ATAD3B: variants seen among roughly 807,000 people sequenced by gnomAD.
ATAD3B encodes ATPase family AAA domain containing 3B.
Under a neutral mutation model 70.2 loss-of-function variants are expected in ATAD3B, and 59 were observed. That is an observed-to-expected ratio of 0.84 (90% CI 0.68 to 1.04). ATAD3B has a LOEUF of 1.04. Among genes scored for constraint, ATAD3B ranks in the 50% least tolerant of loss-of-function variants. The pLI, the probability that ATAD3B is intolerant of heterozygous loss-of-function variation, is 0.00. For missense variants in ATAD3B, 961 were observed against 913.4 expected, an observed-to-expected ratio of 1.05 and a Z score of -0.67; for synonymous variants, 423 against 388.6, an observed-to-expected ratio of 1.09 and a Z score of -1.04.
chr1:1,484,808 A>G (rs1640112467), intron 7 of ATAD3B: 1 of 1,342,320 alleles, frequency 7.4e-7, no homozygotes, highest in Admixed American at 2.9e-5. Flanking sequence ...AATGGCCCTG[A>G]GTGAGGGCGT....
chr1:1,503,593 A>G, the ATAD3B span: 37,989 of 1,611,816 alleles, frequency 0.024, 704 homozygotes, highest in Admixed American at 0.07. Context: ...GGCCACATCA[A>G]AGGACGCCCT....
rs750541572 is a variant in ATAD3B at position 1,489,269 on chromosome 1, C to G, written c.1332C>G (p.Ser444Arg). The change falls in exon 13 of 16, where the codon AGC (serine) becomes AGG (arginine). Residue 444 changes from serine to arginine, a missense_variant. Coordinates refer to ENST00000673477, the MANE Select transcript of ATAD3B (RefSeq NM_031921.6). Reference protein sequence around the residue: ...NAFLYHMGQHSNKFMLVLASN... With the variant: ...NAFLYHMGQHRNKFMLVLASN... Reference sequence around the variant, plus strand: ...TCCTGTACCACATGGGCCAACACAGCAACAAGTGAGGGAGCCCCTCGGGTC... The same window carrying G: ...TCCTGTACCACATGGGCCAACACAGGAACAAGTGAGGGAGCCCCTCGGGTC... 6.2e-7 allele frequency: 1 copy of G among 1,613,458 alleles called. No individual in the cohort carries two copies. Among genetic ancestry groups the G allele is most frequent in the African/African-American group, 1.3e-5 (1 of 74,934 alleles).
chr1:1,488,713 C>T (rs554819002), intron 12 of ATAD3B, among the ~76,000 whole-genome samples: 3 of 151,890 alleles, frequency 2.0e-5, no homozygotes, highest in South Asian at 2.1e-4. Flanking sequence ...GAGCTGAGAT[C>T]GTGCCACTGC....
intron 15 of ATAD3B, among the ~76,000 whole-genome samples, chr1:1,492,290 C>G (rs1241978730): frequency 2.0e-5 from 3 of 151,736 alleles, no homozygotes; most frequent in Non-Finnish European, 4.4e-5. Flanking sequence ...AGTTCAAGAC[C>G]ACCCTGGCCA....
In ATAD3B at chr1:1,490,299, C is replaced by T; in HGVS notation, c.1380C>T (p.Asp460=). ...VLASNLPEQF[D]CAINSRIDVM... ...CCAGCAATCTGCCTGAGCAGTTCGA[C>T]TGTGCCATCAACAGCCGCATTGACG... The change falls in exon 14 of 16, where the codon GAC becomes GAT. Residue 460 remains aspartate (D), a synonymous_variant. Transcript: ENST00000673477. 6.2e-7 allele frequency: 1 copy of T among 1,613,200 alleles called. No individual in the cohort carries two copies. The highest frequency in any genetic ancestry group is 1.3e-5 in the African/African-American group (1 of 75,068).
chr1:1,476,445 G>A (rs1464870512), intron 1 of ATAD3B, among the ~76,000 whole-genome samples: 5 of 151,716 alleles, frequency 3.3e-5, no homozygotes, highest in East Asian at 3.9e-4. Flanking sequence ...GAAGAGAGAC[G>A]GGAACAACGC....
At chr1:1,497,973 A>G (rs1390043402), downstream of ATAD3B, 1 of 151,088 alleles carries the variant, frequency 6.6e-6, no homozygotes, top group Non-Finnish European at 1.5e-5. Flanking sequence ...TGAGAACAGC[A>G]TGGCCAACAT....
the ATAD3B span, among the ~76,000 whole-genome samples, chr1:1,508,481 C>T: frequency 1.3e-5 from 2 of 151,544 alleles, no homozygotes; most frequent in East Asian, 3.9e-4. Flanking sequence ...GGGTCCCCTG[C>T]CCTGTGCTTC....
chr1:1,473,336 G>C (rs1301462021), intron 1 of ATAD3B, among the ~76,000 whole-genome samples: 1 of 149,820 alleles, frequency 6.7e-6, no homozygotes, highest in East Asian at 2.0e-4. Flanking sequence ...CACCGTGTTA[G>C]CCAGGATGGT....
chr1:1,484,250 G>A (rs948174493), intron 7 of ATAD3B: 4 of 151,558 alleles, frequency 2.6e-5, no homozygotes, highest in Non-Finnish European at 4.4e-5. Context: ...GCGCGATCTC[G>A]ACTCACTGTC....
rs1640815526 is a variant in ATAD3B, at chr1:1,496,940, G to A, written c.*1123G>A. 7.1e-6 allele frequency: 1 copy of A among 140,570 alleles called. No individual in the cohort carries two copies. The highest frequency in any genetic ancestry group is 1.5e-5 in the Non-Finnish European group (1 of 67,782). 8.7% of individuals were successfully genotyped at this position (140,570 alleles called of 1,614,324 possible). A position where few individuals can be genotyped will look rare whatever the true frequency, so the allele number is the denominator to read the frequency against. ...ACCTTTGCTTTGGGGGCAGGGTGGGGTGCAGGGGTGGTTGGGGGAATCACA... is the reference window on the plus strand; with the variant it reads ...ACCTTTGCTTTGGGGGCAGGGTGGGATGCAGGGGTGGTTGGGGGAATCACA... On this transcript the variant is annotated 3_prime_UTR_variant, in exon 16 of 16. Transcript: ENST00000673477.
In ATAD3B at chr1:1,482,234, C is replaced by T; in HGVS notation, c.611C>T (p.Ala204Val). 1.2e-6 allele frequency: 2 copies of T among 1,611,564 alleles called. No individual in the cohort carries two copies. The highest frequency in any genetic ancestry group is 2.2e-5 in the East Asian group (1 of 44,866). ...CGCGCCAAGGCCGAGCGGGAGAATGCAGACATCATCCGCGAGCAGATCCGC... is the reference window on the plus strand; with the variant it reads ...CGCGCCAAGGCCGAGCGGGAGAATGTAGACATCATCCGCGAGCAGATCCGC... The part of the protein sequence containing the change: ...RARAKAEREN[A>V]DIIREQIRLK... The change falls in exon 6 of 16, where the codon GCA becomes GTA. Residue 204 changes from alanine (A) to valine (V), a missense_variant. By Grantham distance (64) the Ala-to-Val change is moderately conservative. Transcript: ENST00000673477.
At position 1,485,973 on chromosome 1, in the gene ATAD3B, C is replaced by T. The variant is rs527919402; in HGVS notation, c.963+135C>T. 9.9e-5 allele frequency: 157 copies of T among 1,590,240 alleles called. 5 individuals are homozygous for T. Among genetic ancestry groups the T allele is most frequent in the Non-Finnish European group, 1.2e-4 (137 of 1,165,424 alleles). ...TGAGATGCAACTGCTTGGACTGTGC[C>T]GGGGATAGATAGGCTGCCCACGAGC... is the stretch of plus-strand genomic sequence containing the variant. On this transcript the variant is annotated intron_variant, in intron 9 of 15. Transcript: ENST00000673477.
intron 2 of ATAD3B, 92 bp downstream of exon 2, chr1:1,477,442 G>C (rs1301414771): frequency 3.8e-6 from 6 of 1,584,318 alleles, no homozygotes; most frequent in Non-Finnish European, 4.3e-6. Flanking sequence ...GTAGGGCCAG[G>C]GGCGTGTACA....
In ATAD3B at chr1:1,483,059, C is replaced by T. The variant is rs538324892; in HGVS notation, c.750+445C>T. On this transcript the variant is annotated intron_variant, in intron 7 of 15. Coordinates refer to ENST00000673477, the MANE Select transcript of ATAD3B (RefSeq NM_031921.6). ...CCTGTAATCCCAGCATTTTCGGAGG[C>T]GGAGGTGGGCGGATCACGAGGTCCG... 2.9e-4 allele frequency: 134 copies of T among 454,586 alleles called. 1 individual carries two copies. In the East Asian group the frequency reaches 6.0e-3, roughly 20 times the overall value. 28.2% of individuals were successfully genotyped at this position (454,586 alleles called of 1,614,324 possible).
intron 2 of ATAD3B, 49 bp from the exon 3 acceptor site, chr1:1,478,595 C>A: frequency 6.5e-7 from 1 of 1,549,706 alleles, no homozygotes; most frequent in Non-Finnish European, 8.7e-7. Flanking sequence ...GGCTGTCAGG[C>A]AGTGCCAGCC....
intron 15 of ATAD3B, among the ~76,000 whole-genome samples, 160 bp from the exon 16 acceptor site, chr1:1,495,325 C>T (rs1376062293): frequency 1.3e-5 from 2 of 152,072 alleles, no homozygotes; most frequent in Admixed American, 1.3e-4. Context: ...CCAGTGTCCA[C>T]ACGCGTGCTG....
intron 4 of ATAD3B, among the ~76,000 whole-genome samples, chr1:1,480,096 G>C (rs1153106): frequency 0.25 from 35,528 of 141,644 alleles, 12,007 homozygotes; most frequent in African/African-American, 0.7. Context: ...CGCGCACACC[G>C]CCGCAAACAC....
At chr1:1,508,826 T>A in the ATAD3B span, among the ~76,000 whole-genome samples, 1 of 151,476 alleles carries the variant, frequency 6.6e-6, no homozygotes, top group Non-Finnish European at 1.5e-5. Flanking sequence ...GGTCAGGGTC[T>A]GAGGGTCTGA....
Sources: gnomAD v4.1 joint callset for allele counts (sites outside exome capture counted in the v4.1 genomes callset) on GRCh38, gnomAD v4.1.1 for gene constraint, MANE v1.5 for transcripts, NCBI Gene and HGNC (gene_info 2026-07-23, HGNC 2026-07-21) for gene names.